The following ELL2 variants were observed in gnomAD, a reference collection of about 807,000 sequenced individuals.
ELL2 encodes the protein RNA polymerase II elongation factor ELL2.
Under a neutral mutation model 72.8 loss-of-function variants are expected in ELL2, and 21 were observed. The ratio of observed to expected loss-of-function variants is 0.29; its 90% CI spans 0.20 to 0.42. The LOEUF is 0.42. Among genes scored for constraint, ELL2 ranks in the 10% least tolerant of loss-of-function variants. The pLI, the probability that ELL2 is intolerant of heterozygous loss-of-function variation, is 1.00. For synonymous variants in ELL2, 266 were observed against 283.2 expected, an observed-to-expected ratio of 0.94 and a Z score of 0.61; for missense variants, 568 against 772.8, an observed-to-expected ratio of 0.73 and a Z score of 3.14.
chr5:95,948,595 T>A (rs1190974615), intron 1 of ELL2, among the ~76,000 whole-genome samples: 4 of 152,154 alleles, frequency 2.6e-5, no homozygotes, highest in African/African-American at 7.2e-5. Flanking sequence ...TTTATCCAAA[T>A]TTTTTTAGCC....
At chr5:95,961,295 G>A (rs1751837823) in intron 1 of ELL2, among the ~76,000 whole-genome samples, 1 of 152,010 alleles carries the variant, frequency 6.6e-6, no homozygotes, top group Non-Finnish European at 1.5e-5. Context: ...ATCCTCGGGG[G>A]CCGTCGGAAA....
intron 1 of ELL2, among the ~76,000 whole-genome samples, chr5:95,943,529 A>C (rs10073752): frequency 0.28 from 42,349 of 151,994 alleles, 6,771 homozygotes; most frequent in African/African-American, 0.45. Flanking sequence ...CATTAAAAAA[A>C]CTGTATTGTT....
chr5:95,940,133 TTC>T (rs1285608107), intron 2 of ELL2, among the ~76,000 whole-genome samples: 1 of 152,208 alleles, frequency 6.6e-6, no homozygotes, highest in Non-Finnish European at 1.5e-5. Flanking sequence ...AGAAAATGCC[TTC>T]AATGACCATC....
intron 2 of ELL2, among the ~76,000 whole-genome samples, chr5:95,922,894 C>T (rs552334634): frequency 6.6e-6 from 1 of 152,308 alleles, no homozygotes; most frequent in Non-Finnish European, 1.5e-5. Flanking sequence ...AACAGTGGTT[C>T]TTAACAAGGG....
chr5:95,920,182 T>G (rs1316957213), intron 2 of ELL2, among the ~76,000 whole-genome samples: 2 of 152,158 alleles, frequency 1.3e-5, no homozygotes, highest in Non-Finnish European at 1.5e-5. Flanking sequence ...GAGATGATTC[T>G]GTAGGTCACT....
At chr5:95,910,873 C>A (rs1025458174) in intron 4 of ELL2, among the ~76,000 whole-genome samples, 4 of 152,342 alleles carry the variant, frequency 2.6e-5, no homozygotes, top group Non-Finnish European at 4.4e-5. Flanking sequence ...AGGGGTATAT[C>A]TTACTGTCTT....
Position 95,900,762 on chromosome 5 carries a change from C to T in ELL2, c.885G>A (p.Gln295=), listed in dbSNP as rs1187140999. The T allele has an allele frequency of 6.2e-7, 1 of 1,607,484 alleles. No homozygotes were observed. Among genetic ancestry groups the T allele is most frequent in the Admixed American group, 1.7e-5 (1 of 58,570 alleles). ...SVLSRKLNPS[Q]NAAGTSRSES... ...CTGAACGGCTGGTGCCTGCAGCATTCTGAGACGGATTTAGTTTTCTGTAAA... is the reference window on the plus strand; with the variant it reads ...CTGAACGGCTGGTGCCTGCAGCATTTTGAGACGGATTTAGTTTTCTGTAAA... The change falls in exon 7 of 12, where the codon CAG becomes CAA. Residue 295 remains glutamine (Q), a synonymous_variant. Coordinates refer to ENST00000237853, the MANE Select transcript of ELL2 (RefSeq NM_012081.6).
At chr5:95,910,693 T>C (rs1749555844) in intron 4 of ELL2, among the ~76,000 whole-genome samples, 1 of 152,150 alleles carries the variant, frequency 6.6e-6, no homozygotes, top group Admixed American at 6.5e-5. Context: ...CTAGTCTAGC[T>C]GTCAGCCGTC....
intron 2 of ELL2, among the ~76,000 whole-genome samples, chr5:95,936,586 C>G (rs1483525364): frequency 6.6e-6 from 1 of 152,000 alleles, no homozygotes; most frequent in East Asian, 1.9e-4. Context: ...AGTTGGAGAC[C>G]AGGCTGGGCA....
At chr5:95,896,426 A>G (rs1309460516) in intron 8 of ELL2, among the ~76,000 whole-genome samples, 1 of 152,214 alleles carries the variant, frequency 6.6e-6, no homozygotes, top group African/African-American at 2.4e-5. Context: ...TTTATCATTG[A>G]AAGTAGGGTT....
chr5:95,940,221 A>G (rs942365081), intron 2 of ELL2, among the ~76,000 whole-genome samples: 2 of 152,252 alleles, frequency 1.3e-5, no homozygotes, highest in African/African-American at 4.8e-5. Flanking sequence ...TATTTTTAAT[A>G]CTACAAAGGC....
intron 1 of ELL2, among the ~76,000 whole-genome samples, chr5:95,960,140 A>G (rs1245371954): frequency 1.3e-5 from 2 of 151,726 alleles, no homozygotes; most frequent in African/African-American, 4.9e-5. Context: ...CTGAATAACT[A>G]TGTGAATCTG....
At chr5:95,950,219 G>A (rs1751322474) in intron 1 of ELL2, among the ~76,000 whole-genome samples, 3 of 152,236 alleles carry the variant, frequency 2.0e-5, no homozygotes, top group Admixed American at 2.0e-4. Context: ...ATGCAACTTG[G>A]ATAAAATAGA....
At chr5:95,910,315 T>G (rs558837249) in intron 4 of ELL2, among the ~76,000 whole-genome samples, 7 of 151,956 alleles carry the variant, frequency 4.6e-5, no homozygotes, top group Non-Finnish European at 1.0e-4. Context: ...ATCCTAGAAA[T>G]TAGATTGGTT....
intron 1 of ELL2, among the ~76,000 whole-genome samples, chr5:95,948,361 C>T (rs1751249293): frequency 7.4e-6 from 1 of 135,838 alleles, no homozygotes; most frequent in Non-Finnish European, 1.5e-5. Context: ...ACCCGGGAGG[C>T]GGAGCTTGCA....
Position 95,888,776 on chromosome 5 carries a change from C to T in ELL2, c.*95G>A. On this transcript the variant is annotated 3_prime_UTR_variant, in exon 12 of 12. Transcript: ENST00000237853. ...TTACTAATACTGAAACTTTCAACAGCCAAAGTTTCACCTTTTTAGAATCTA... is the reference window on the plus strand; with the variant it reads ...TTACTAATACTGAAACTTTCAACAGTCAAAGTTTCACCTTTTTAGAATCTA... The T allele has an allele frequency of 1.2e-6, 1 of 860,162 alleles. No homozygotes were observed. The highest frequency in any genetic ancestry group is 2.2e-5 in the South Asian group (1 of 45,304). The allele number at this position is 860,162 out of a possible 1,614,324, so 53.3% of individuals were successfully genotyped here. A position where few individuals can be genotyped will look rare whatever the true frequency, so the allele number is the denominator to read the frequency against.
At chr5:95,927,312 G>C (rs1358946337) in intron 2 of ELL2, among the ~76,000 whole-genome samples, 2 of 149,284 alleles carry the variant, frequency 1.3e-5, no homozygotes, top group Non-Finnish European at 3.0e-5. Flanking sequence ...GATGACTCCA[G>C]GGTATTTTGC....
intron 10 of ELL2, among the ~76,000 whole-genome samples, chr5:95,890,416 G>A (rs571642578): frequency 2.0e-5 from 3 of 152,286 alleles, no homozygotes; most frequent in South Asian, 2.1e-4. Flanking sequence ...ACCTGTGTCC[G>A]TGAAGTGTGA....
Position 95,898,791 on chromosome 5 carries a change from T to G in ELL2, c.974A>C (p.Glu325Ala), listed in dbSNP as rs1477031595. 1 of 1,503,438 alleles carries G rather than the reference T, an allele frequency of 6.7e-7. No homozygotes were observed. The highest frequency in any genetic ancestry group is 1.4e-5 in the African/African-American group (1 of 71,322). The allele number at this position is 1,503,438 out of a possible 1,614,324, so 93.1% of individuals were successfully genotyped here. Residue 325 changes from glutamate to alanine, a missense_variant, in exon 8 of 12, where the codon GAG becomes GCG. This residue lies in a region of ELL2 where 511 missense variants were observed against 728.4 expected (regional missense o/e 0.70). Transcript: ENST00000237853. ...SSPQKRLLDSEFIDPLMNKKA... is the reference protein window; with the variant it reads ...SSPQKRLLDSAFIDPLMNKKA... ...TTTATTCATTAAAGGATCAATAAAC[T>G]CTGAATCCAAAAGCCGTTTCTAGGG...
Sources: gnomAD v4.1 joint callset for allele counts (sites outside exome capture counted in the v4.1 genomes callset) on GRCh38, gnomAD v4.1.1 for gene constraint, gnomAD v4.1.1 regional missense constraint, MANE v1.5 for transcripts, NCBI Gene and HGNC (gene_info 2026-07-23, HGNC 2026-07-21) for gene names.